The following CATSPERE variants were observed in gnomAD, a reference collection of about 807,000 sequenced individuals.
CATSPERE encodes the protein cation channel sperm-associated auxiliary subunit epsilon.
Under a neutral mutation model 114.1 loss-of-function variants are expected in CATSPERE, and 93 were observed. That is an observed-to-expected ratio of 0.81 (90% CI 0.69 to 0.97). The LOEUF (loss-of-function observed/expected upper bound fraction) is 0.97. CATSPERE is among the 50% of genes least tolerant of loss of function. The pLI is 0.00. For missense variants in CATSPERE, 1,058 were observed against 1,131.6 expected, an observed-to-expected ratio of 0.93 and a Z score of 0.93; for synonymous variants, 341 against 384.1, an observed-to-expected ratio of 0.89 and a Z score of 1.31.
At chr1:244,475,751 G>A (rs530732304) in intron 2 of CATSPERE, among the ~76,000 whole-genome samples, 28 of 151,116 alleles carry the variant, frequency 1.9e-4, no homozygotes, top group Admixed American at 4.0e-4. Flanking sequence ...TGGCCAGGAT[G>A]GTCTCGATCT....
Position 244,560,858 on chromosome 1 carries a change from T to G in CATSPERE, c.1220T>G (p.Leu407Ter). Reference sequence around the variant, plus strand: ...CACCCTCTGGAGATTGCTGTGTTTTTAAATTATTGCACTGTATGTAACGTC... The same window carrying G: ...CACCCTCTGGAGATTGCTGTGTTTTGAAATTATTGCACTGTATGTAACGTC... ...TGHPLEIAVF[L>*]NYCTVCNVTK... is the part of the protein sequence containing the mutation. The change falls in exon 10 of 22, where the codon TTA (leucine) becomes TGA (stop). Residue 407 changes from leucine to a stop codon, truncating the protein, a stop_gained. Coordinates refer to ENST00000366534, the MANE Select transcript of CATSPERE (RefSeq NM_001130957.2). LOFTEE classifies it high-confidence loss of function. 1 of 1,614,128 alleles carries G rather than the reference T, an allele frequency of 6.2e-7. No individual in the cohort carries two copies. Among genetic ancestry groups the G allele is most frequent in the Non-Finnish European group, 8.5e-7 (1 of 1,179,990 alleles).
chr1:244,451,934 C>A, upstream of CATSPERE: 2 of 1,119,514 alleles, frequency 1.8e-6, no homozygotes, highest in South Asian at 3.6e-5. This position sits in a 1 kb window ranked among gnomAD's most constrained non-coding sequence, Gnocchi z 6.6. Flanking sequence ...AGGCCGGCCC[C>A]GCCCCCGCCC....
At chr1:244,457,498 A>G (rs887364868), upstream of CATSPERE, 9 of 152,350 alleles carry the variant, frequency 5.9e-5, no homozygotes, top group East Asian at 5.8e-4. Context: ...GGCAGGGGAA[A>G]AAAAGGAGGA....
chr1:244,454,572 C>G (rs1572167312), exon 1 of CATSPERE: 1 of 151,154 alleles, frequency 6.6e-6, no homozygotes, highest in African/African-American at 2.4e-5. Flanking sequence ...CTGGAAACTG[C>G]AGAGAAAGGG....
rs1674522792 is a variant in CATSPERE at position 244,504,506 on chromosome 1, A to G, written c.429+5427A>G. Among the ~76,000 whole-genome samples the G allele has an allele frequency of 4.6e-5, 7 of 152,218 alleles. No homozygotes were observed. Among genetic ancestry groups the G allele is most frequent in the Admixed American group, 4.6e-4 (7 of 15,286 alleles). On this transcript the variant is annotated intron_variant, in intron 7 of 21. Transcript: ENST00000366534. The surrounding 1 kb of genome is among the most constrained non-coding windows in gnomAD (Gnocchi z 4.1). ...TTTCCTCAGCTAATGTTCATTTTGT[A>G]TTCCAGAATCCCACCAGGAATAGCA...
At chr1:244,623,196 G>A (rs1327015673) in intron 20 of CATSPERE, among the ~76,000 whole-genome samples, 2 of 151,994 alleles carry the variant, frequency 1.3e-5, no homozygotes, top group East Asian at 3.9e-4. Context: ...TCATGCCTCA[G>A]CCTCCCGAGT....
intron 5 of CATSPERE, 108 bp from the exon 6 acceptor site, chr1:244,490,339 A>T: frequency 2.9e-6 from 2 of 684,120 alleles, no homozygotes; most frequent in Non-Finnish European, 4.9e-6. Flanking sequence ...GTAATGAAAT[A>T]TAAAGAGAAT....
intron 12 of CATSPERE, 65 bp downstream of exon 12, chr1:244,581,919 G>T: frequency 1.0e-5 from 7 of 693,758 alleles, no homozygotes; most frequent in South Asian, 5.9e-5. Flanking sequence ...TTGATTTGTG[G>T]GTGTTCTTTT....
intron 7 of CATSPERE, among the ~76,000 whole-genome samples, chr1:244,503,324 T>C (rs549668252): frequency 6.6e-6 from 1 of 152,322 alleles, no homozygotes; most frequent in Non-Finnish European, 1.5e-5. Flanking sequence ...GGATTGGGGT[T>C]TCCACAATCT....
chr1:244,477,788 T>C (rs1049962404), intron 3 of CATSPERE, 118 bp from the exon 4 acceptor site: 3 of 984,256 alleles, frequency 3.0e-6, no homozygotes, highest in Non-Finnish European at 3.0e-6. Context: ...ATTGCAAATA[T>C]TTAAAAATAT....
intron 8 of CATSPERE, among the ~76,000 whole-genome samples, chr1:244,535,113 ATCTC>A (rs1213008313): frequency 1.3e-5 from 2 of 151,798 alleles, no homozygotes; most frequent in Non-Finnish European, 2.9e-5. Context: ...AACAAACAGA[ATCTC>A]TCTCTCTCTC....
chr1:244,599,053 C>T lies in CATSPERE; in HGVS notation c.2303+5475C>T, dbSNP rs928175713. ...CCGGACATGGTCTCTCCTGGTTTGC[C>T]GCCGTGTCTGGGAAAAAGACTGGAG... On this transcript the variant is annotated intron_variant, in intron 17 of 21. Coordinates refer to ENST00000366534, the MANE Select transcript of CATSPERE (RefSeq NM_001130957.2). Among the ~76,000 whole-genome samples, 17 of 152,076 alleles carry T rather than the reference C, an allele frequency of 1.1e-4. 1 individual carries two copies. The highest frequency in any genetic ancestry group is 1.9e-4 in the East Asian group (1 of 5,192).
intron 7 of CATSPERE, among the ~76,000 whole-genome samples, chr1:244,501,462 T>C (rs1351871478): frequency 6.6e-6 from 1 of 152,222 alleles, no homozygotes; most frequent in Non-Finnish European, 1.5e-5. Context: ...TAATTTCTCA[T>C]GGGACTGTTT....
chr1:244,471,628 C>A (rs181201945), intron 2 of CATSPERE, among the ~76,000 whole-genome samples: 3 of 152,298 alleles, frequency 2.0e-5, no homozygotes, highest in East Asian at 3.9e-4. Flanking sequence ...AGAAACAAAA[C>A]CATACTATAT....
chr1:244,560,567 TTAAAAAAA>T (rs1198495918), intron 9 of CATSPERE, 93 bp from the exon 10 acceptor site: 1 of 675,848 alleles, frequency 1.5e-6, no homozygotes, highest in African/African-American at 1.9e-5. Context: ...GAAAGAAAAT[TTAAAAAAA>T]TAAAAAATAA....
At chr1:244,625,430 A>ATTTT (rs1476267922) in intron 20 of CATSPERE, among the ~76,000 whole-genome samples, 2 of 4,340 alleles carry the variant, frequency 4.6e-4, no homozygotes, top group African/African-American at 5.5e-4. Flanking sequence ...ATATATATAT[A>ATTTT]TATTTTTTTT....
intron 10 of CATSPERE, among the ~76,000 whole-genome samples, chr1:244,570,657 A>G (rs1664298809): frequency 6.6e-6 from 1 of 152,250 alleles, no homozygotes; most frequent in African/African-American, 2.4e-5. Context: ...GATGATTTAT[A>G]AGGTTTGTAG....
At chr1:244,519,934 A>G (rs1403487648) in intron 8 of CATSPERE, among the ~76,000 whole-genome samples, 3 of 152,196 alleles carry the variant, frequency 2.0e-5, no homozygotes, top group Non-Finnish European at 4.4e-5. Flanking sequence ...CACCATCACT[A>G]TGATAACCCT....
In CATSPERE at chr1:244,591,732, G is replaced by GT. The variant is rs1310671023; in HGVS notation, c.2189+2dup. 1 of 1,503,280 alleles carries GT rather than the reference G, an allele frequency of 6.7e-7. No individual in the cohort carries two copies. Among genetic ancestry groups the GT allele is most frequent in the Non-Finnish European group, 9.2e-7 (1 of 1,086,870 alleles). 93.1% of individuals were successfully genotyped at this position (1,503,280 alleles called of 1,614,324 possible). A position where few individuals can be genotyped will look rare whatever the true frequency, so the allele number is the denominator to read the frequency against. On this transcript the variant is annotated splice_donor_variant, in intron 15 of 21. Coordinates refer to ENST00000366534, the MANE Select transcript of CATSPERE (RefSeq NM_001130957.2). LOFTEE classifies it high-confidence loss of function. ...ATGATTTTTCATACGTGATTGAAAA[G>GT]TAAGAAATTTTTTAACATAAGCACT...
Sources: allele counts gnomAD v4.1 joint callset (sites outside exome capture counted in the v4.1 genomes callset), GRCh38; gene constraint gnomAD v4.1.1; non-coding constraint Gnocchi (gnomAD v3.1); transcripts MANE v1.5; gene names NCBI Gene and HGNC (gene_info 2026-07-23, HGNC 2026-07-21).